C4orf50: variants seen among roughly 807,000 people sequenced by gnomAD.
The protein encoded by C4orf50 is uncharacterized protein C4orf50.
Under a neutral mutation model 77.2 loss-of-function variants are expected in C4orf50, and 80 were observed. The ratio of observed to expected loss-of-function variants is 1.04; its 90% CI spans 0.87 to 1.25. The LOEUF (loss-of-function observed/expected upper bound fraction) is 1.25. Ranked by LOEUF, C4orf50 falls within the 50% of genes most tolerant of loss-of-function variation. The pLI is 0.00. For missense variants in C4orf50, 1,257 were observed against 1,152.9 expected, an observed-to-expected ratio of 1.09 and a Z score of -1.31; for synonymous variants, 532 against 465.3, an observed-to-expected ratio of 1.14 and a Z score of -1.84.
In C4orf50 at chr4:5,919,837, G is replaced by A. The variant is rs114721567; in HGVS notation, c.*2475-21649C>T. On this transcript the variant is annotated intron_variant, in intron 7 of 7. Coordinates refer to the C4orf50 transcript ENST00000324058. The surrounding 1 kb of genome is among the most constrained non-coding windows in gnomAD (Gnocchi z 6.5). ...TCACCAGAATCAACTCTGAAATAGG[G>A]GTTTCTTCGGGCACAGGTGGCCCTC... 6.6e-3 allele frequency among the ~76,000 whole-genome samples: 1,006 copies of A among 152,224 alleles called. 7 individuals are homozygous for A. The highest frequency in any genetic ancestry group is 0.01 in the Non-Finnish European group (685 of 68,010).
chr4:5,990,575 T>G (rs28376898), exon 28 of C4orf50: 80,953 of 398,818 alleles, frequency 0.2, 9,425 homozygotes, highest in African/African-American at 0.34. Flanking sequence ...TCTTGGATTT[T>G]TTGTCCATCT....
In C4orf50 at chr4:5,988,653, G is replaced by T. The variant is rs6845622; in HGVS notation, c.3393C>A (p.Asp1131Glu). The T allele has an allele frequency of 2.6e-3, 3,952 of 1,536,066 alleles. 69 individuals carry two copies. In the African/African-American group the frequency reaches 0.039, roughly 15 times the overall value. Residue 1131 changes from aspartate to glutamate, a missense_variant, in exon 28 of 34, where the codon GAC becomes GAA. Asp to Glu is a conservative substitution (Grantham distance 45). Transcript: ENST00000531445. ...TGAGTGGAGTCACCTGCACCTCTTT[G>T]TCTAGAGCGTGCATCTTGGCTTTTC... is the stretch of plus-strand genomic sequence containing the variant.
At chr4:5,993,457 G>A (rs1394915116) in intron 26 of C4orf50, among the ~76,000 whole-genome samples, 1 of 152,204 alleles carries the variant, frequency 6.6e-6, no homozygotes, top group Non-Finnish European at 1.5e-5. Flanking sequence ...ATGCCCAGTT[G>A]GCCGCCGTGG....
At chr4:5,998,676 G>A (rs1721702792) in intron 25 of C4orf50, among the ~76,000 whole-genome samples, 1 of 152,220 alleles carries the variant, frequency 6.6e-6, no homozygotes. Flanking sequence ...GGACCCTCCA[G>A]GCCAGGCACA....
intron 25 of C4orf50, among the ~76,000 whole-genome samples, chr4:5,999,197 C>T (rs1721723075): frequency 6.6e-6 from 1 of 152,192 alleles, no homozygotes; most frequent in African/African-American, 2.4e-5. Context: ...TAGTTCACAC[C>T]ATGGCTCCCA....
chr4:5,990,967 G>A (rs1395035923), intron 27 of C4orf50, 143 bp from the exon 6 acceptor site: 1 of 397,710 alleles, frequency 2.5e-6, no homozygotes, highest in Non-Finnish European at 4.4e-6. Context: ...GACACAGCTG[G>A]TACCGCCCCA....
chr4:5,929,724 AAAAG>A (rs1441766352), intron 7 of C4orf50, among the ~76,000 whole-genome samples: 2 of 152,260 alleles, frequency 1.3e-5, no homozygotes, highest in Non-Finnish European at 2.9e-5. Context: ...CGCTAGCCCT[AAAAG>A]GCACTTGTGA....
At chr4:5,981,402 C>CTTTTTT in intron 28 of C4orf50, among the ~76,000 whole-genome samples, 1 of 124,078 alleles carries the variant, frequency 8.1e-6, no homozygotes, top group Non-Finnish European at 1.7e-5. Flanking sequence ...AAGTGAGTAT[C>CTTTTTT]TTTTTTTTTT....
At chr4:6,013,573 G>C (rs1722565820) in intron 23 of C4orf50, among the ~76,000 whole-genome samples, 1 of 152,166 alleles carries the variant, frequency 6.6e-6, no homozygotes, top group Non-Finnish European at 1.5e-5. Flanking sequence ...ACTGCAGATA[G>C]GATTAAGTCA....
At chr4:5,964,794 C>T (rs1386642368) in intron 33 of C4orf50, among the ~76,000 whole-genome samples, 1 of 136,034 alleles carries the variant, frequency 7.4e-6, no homozygotes, top group African/African-American at 2.8e-5. Flanking sequence ...AAAAAAATGT[C>T]ACCAGACCTA....
Position 5,973,611 on chromosome 4 carries a change from C to A in C4orf50, c.4104+48G>T, listed in dbSNP as rs1577951747. 4 of 1,497,690 alleles carry A rather than the reference C, an allele frequency of 2.7e-6. No homozygotes were observed. In the African/African-American group the frequency reaches 5.5e-5, roughly 21 times the overall value. The allele number at this position is 1,497,690 out of a possible 1,614,324, so 92.8% of individuals were successfully genotyped here. A position where few individuals can be genotyped will look rare whatever the true frequency, so the allele number is the denominator to read the frequency against. On this transcript the variant is annotated intron_variant, in intron 31 of 33. Transcript: ENST00000531445. ...CAGGCAGGGGCATGCAAGGGACGCG[C>A]CCACACTCCCATAGGAAGCACAGAC...
At position 6,008,004 on chromosome 4, in the gene C4orf50, A is replaced by C. The variant is rs1722315021; in HGVS notation, c.955T>G (p.Cys319Gly). The change falls in exon 25 of 34, where the codon TGC becomes GGC. Residue 319 changes from cysteine (C) to glycine (G), a missense_variant. Cys to Gly is a radical substitution (Grantham distance 159). Coordinates refer to ENST00000531445, the Ensembl canonical transcript of C4orf50. This position sits in a 1 kb window ranked among gnomAD's most constrained non-coding sequence, Gnocchi z 6.0. ...GAGTTCCCGCCACTTACCAGGCTGC[A>C]GTGACCAATAGGGGCCTGGGCTCCC... 2.5e-6 allele frequency: 1 copy of C among 399,078 alleles called. No individual in the cohort carries two copies. Among genetic ancestry groups the C allele is most frequent in the South Asian group, 1.3e-4 (1 of 7,864 alleles). 24.7% of individuals were successfully genotyped at this position (399,078 alleles called of 1,614,324 possible). A position where few individuals can be genotyped will look rare whatever the true frequency, so the allele number is the denominator to read the frequency against.
rs1019602961 is a variant in C4orf50 at position 5,970,179 on chromosome 4, G to A, written c.4105-2717C>T. Among the ~76,000 whole-genome samples the A allele has an allele frequency of 1.3e-5, 2 of 151,958 alleles. No individual in the cohort carries two copies. The highest frequency in any genetic ancestry group is 1.5e-5 in the Non-Finnish European group (1 of 67,936). Reference sequence around the variant, plus strand: ...AAAAAAAAGGCCCACTGGGGCTAGGGGTCGGGGGGCATAGAGAGGAAGCAA... The same window carrying A: ...AAAAAAAAGGCCCACTGGGGCTAGGAGTCGGGGGGCATAGAGAGGAAGCAA... On this transcript the variant is annotated intron_variant, in intron 31 of 33. Coordinates refer to ENST00000531445, the Ensembl canonical transcript of C4orf50. The surrounding 1 kb of genome is among the most constrained non-coding windows in gnomAD (Gnocchi z 4.3).
intron 28 of C4orf50, among the ~76,000 whole-genome samples, chr4:5,983,155 C>T (rs139367901): frequency 3.3e-5 from 5 of 152,350 alleles, no homozygotes; most frequent in African/African-American, 1.2e-4. Flanking sequence ...TATCCAGCCA[C>T]CGACTCCTCT....
intron 7 of C4orf50, among the ~76,000 whole-genome samples, chr4:5,909,977 A>G (rs1485042250): frequency 6.6e-6 from 1 of 152,042 alleles, no homozygotes. Flanking sequence ...GGATTGTGTT[A>G]GCTATTTGAG....
chr4:5,994,975 A>G (rs1280100728), intron 25 of C4orf50, among the ~76,000 whole-genome samples: 2 of 152,218 alleles, frequency 1.3e-5, no homozygotes, highest in Non-Finnish European at 2.9e-5. Context: ...GGTGCTCCTT[A>G]TGAAAATCTA....
intron 25 of C4orf50, among the ~76,000 whole-genome samples, chr4:6,003,857 A>ATAG (rs1721990871): frequency 1.2e-4 from 1 of 8,636 alleles, no homozygotes; most frequent in Non-Finnish European, 2.0e-4. Flanking sequence ...GATGGTGATG[A>ATAG]TGGTGATGGT....
chr4:5,904,523 C>T (rs1207636242), intron 7 of C4orf50: 3 of 152,264 alleles, frequency 2.0e-5, no homozygotes, highest in Non-Finnish European at 4.4e-5. Context: ...CACTGGAAGA[C>T]TGTGCCACAC....
In C4orf50 at chr4:5,992,566, G is replaced by A. The variant is rs554443862; in HGVS notation, c.1221+237C>T. ...GTGTCAACGAGATGAAGCCTGTTCC[G>A]TGGAAGCCCAGGCCTGGCACCCAGT... On this transcript the variant is annotated intron_variant, in intron 27 of 33. Transcript: ENST00000531445. This position sits in a 1 kb window ranked among gnomAD's most constrained non-coding sequence, Gnocchi z 5.0. Among the ~76,000 whole-genome samples the A allele has an allele frequency of 7.9e-5, 12 of 152,092 alleles. No individual in the cohort carries two copies. Among genetic ancestry groups the A allele is most frequent in the Admixed American group, 3.3e-4 (5 of 15,282 alleles).
Sources: gnomAD v4.1 joint callset for allele counts (sites outside exome capture counted in the v4.1 genomes callset) on GRCh38, gnomAD v4.1.1 for gene constraint, Gnocchi (gnomAD v3.1) non-coding constraint, MANE v1.5 for transcripts, NCBI Gene and HGNC (gene_info 2026-07-23, HGNC 2026-07-21) for gene names.